GPM6A: variants seen among roughly 807,000 people sequenced by gnomAD.
GPM6A encodes the protein neuronal membrane glycoprotein M6-a.
In GPM6A, 7 loss-of-function variants were observed where a neutral mutation model predicts 32.1. That is an observed-to-expected ratio of 0.22 (90% CI 0.12 to 0.41). The LOEUF (loss-of-function observed/expected upper bound fraction) is 0.41, where lower values mean the gene tolerates loss of function less well. GPM6A is among the 10% of genes least tolerant of loss of function. The pLI, the probability that GPM6A is intolerant of heterozygous loss-of-function variation, is 1.00. For missense variants in GPM6A, 235 were observed against 347.2 expected (o/e 0.68, Z 2.57); for synonymous variants, 130 against 123.4 (o/e 1.05, Z -0.35).
At chr4:175,688,297 TC>T (rs922715089) in intron 2 of GPM6A, among the ~76,000 whole-genome samples, 4 of 152,218 alleles carry the variant, frequency 2.6e-5, no homozygotes, top group Admixed American at 2.6e-4. Context: ...TGAACTTTTC[TC>T]CTATGTTTTC....
At chr4:176,000,708 C>T (rs1278193922) in intron 1 of GPM6A, among the ~76,000 whole-genome samples, 4 of 152,036 alleles carry the variant, frequency 2.6e-5, no homozygotes, top group Non-Finnish European at 5.9e-5. Context: ...CCTGTGTGAG[C>T]ATAGAAACAA....
At chr4:175,740,362 T>A (rs907006476) in intron 1 of GPM6A, among the ~76,000 whole-genome samples, 3 of 152,064 alleles carry the variant, frequency 2.0e-5, no homozygotes, top group Non-Finnish European at 4.4e-5. Flanking sequence ...TTAGGAAGAA[T>A]CAGCATTACA....
At chr4:175,775,017 A>G (rs1392975272) in intron 1 of GPM6A, among the ~76,000 whole-genome samples, 2 of 152,150 alleles carry the variant, frequency 1.3e-5, no homozygotes, top group Non-Finnish European at 2.9e-5. Context: ...ATATCAGGAT[A>G]TAAGGTGAAC....
chr4:175,962,216 GA>G, intron 1 of GPM6A: 1 of 1,299,820 alleles, frequency 7.7e-7, no homozygotes, highest in Non-Finnish European at 1.1e-6. Context: ...GTCAGTTCAT[GA>G]TGGTGGAACA....
chr4:175,666,029 C>T (rs571275028), intron 3 of GPM6A, among the ~76,000 whole-genome samples: 2 of 151,560 alleles, frequency 1.3e-5, no homozygotes, highest in Admixed American at 6.6e-5. Context: ...AGCAATTCTC[C>T]TGCCTTAGCT....
intron 3 of GPM6A, among the ~76,000 whole-genome samples, chr4:175,666,471 C>T (rs1742759163): frequency 6.6e-6 from 1 of 152,052 alleles, no homozygotes; most frequent in Non-Finnish European, 1.5e-5. Context: ...AAATGTAGCT[C>T]TTGAGTTTTT....
chr4:175,722,315 G>A (rs1249214293), intron 1 of GPM6A, among the ~76,000 whole-genome samples: 2 of 152,062 alleles, frequency 1.3e-5, no homozygotes, highest in East Asian at 3.9e-4. Flanking sequence ...GACCACCGAA[G>A]AGAAAAACTC....
At chr4:175,703,160 C>T (rs58319321) in intron 1 of GPM6A, among the ~76,000 whole-genome samples, 9,440 of 152,050 alleles carry the variant, frequency 0.062, 581 homozygotes, top group East Asian at 0.35. Context: ...TAGATGTAAC[C>T]TAACTATTAT....
intron 1 of GPM6A, among the ~76,000 whole-genome samples, chr4:175,855,944 C>T (rs938293272): frequency 1.3e-5 from 2 of 152,158 alleles, no homozygotes; most frequent in African/African-American, 2.4e-5. Context: ...AAGAGCCTAG[C>T]GCTCGCTCTT....
chr4:175,806,637 C>T (rs1734707333), intron 1 of GPM6A, among the ~76,000 whole-genome samples: 1 of 152,210 alleles, frequency 6.6e-6, no homozygotes, highest in Admixed American at 6.5e-5. Flanking sequence ...CACAACAATG[C>T]AGAAGTTCTA....
intron 3 of GPM6A, among the ~76,000 whole-genome samples, chr4:175,665,441 T>A (rs1328834235): frequency 6.6e-6 from 1 of 152,156 alleles, no homozygotes; most frequent in Non-Finnish European, 1.5e-5. Flanking sequence ...ATTTTATTTT[T>A]TCAATTGAAA....
intron 1 of GPM6A, among the ~76,000 whole-genome samples, chr4:175,728,394 G>T (rs1731274365): frequency 6.6e-6 from 1 of 152,078 alleles, no homozygotes; most frequent in Admixed American, 6.6e-5. Context: ...ATTTTGAAAA[G>T]AACATAGAGC....
chr4:175,743,442 C>A (rs1336339428), intron 1 of GPM6A, among the ~76,000 whole-genome samples: 1 of 151,668 alleles, frequency 6.6e-6, no homozygotes, highest in South Asian at 2.1e-4. Flanking sequence ...ACAAAAGATA[C>A]AATTAATCCA....
chr4:175,730,541 G>T (rs62336026), intron 1 of GPM6A, among the ~76,000 whole-genome samples: 25,445 of 151,092 alleles, frequency 0.17, 2,696 homozygotes, highest in Non-Finnish European at 0.24. Context: ...CGCGATCTCG[G>T]CTCACTGCAA....
chr4:175,647,203 T>C (rs763162848), intron 4 of GPM6A, among the ~76,000 whole-genome samples: 2 of 152,344 alleles, frequency 1.3e-5, no homozygotes, highest in African/African-American at 2.4e-5. Context: ...ACCTACTTTC[T>C]CTCTGTGTTG....
intron 1 of GPM6A, among the ~76,000 whole-genome samples, chr4:175,932,361 T>C (rs1015869699): frequency 2.6e-5 from 4 of 152,150 alleles, no homozygotes; most frequent in African/African-American, 9.6e-5. Flanking sequence ...GGACTCAGCA[T>C]TTCTTCCCTC....
rs1291482312 is a variant in GPM6A at position 175,821,704 on chromosome 4, TC to T, written c.-22-9456del. 3.3e-5 allele frequency among the ~76,000 whole-genome samples: 5 copies of T among 152,196 alleles called. No homozygotes were observed. The Middle Eastern group carries it at 0.01, about 311-fold the overall frequency. On this transcript the variant is annotated intron_variant, in intron 1 of 7. Transcript: ENST00000280187. ...GTTTTTATTCCTAAGTATTTTGATT[TC>T]TTTTAGAGGTATTTTATACTAAATC...
intron 1 of GPM6A, among the ~76,000 whole-genome samples, chr4:175,914,571 C>T (rs545937135): frequency 2.0e-5 from 3 of 152,318 alleles, no homozygotes; most frequent in African/African-American, 7.2e-5. Flanking sequence ...GATCTGCCCG[C>T]CTTGGCCTCC....
intron 1 of GPM6A, among the ~76,000 whole-genome samples, chr4:175,786,712 AC>A (rs1733816171): frequency 6.6e-6 from 1 of 151,824 alleles, no homozygotes; most frequent in African/African-American, 2.4e-5. Flanking sequence ...AGTCAGTTGC[AC>A]CCTTTCATTC....
Sources: allele counts gnomAD v4.1 joint callset (sites outside exome capture counted in the v4.1 genomes callset), GRCh38; gene constraint gnomAD v4.1.1; transcripts MANE v1.5; gene names NCBI Gene and HGNC (gene_info 2026-07-23, HGNC 2026-07-21).